ARL15: variants seen among roughly 807,000 people sequenced by gnomAD.
ARL15 encodes the protein ADP-ribosylation factor-like protein 15.
In ARL15, 19 loss-of-function variants were observed where a neutral mutation model predicts 25.2. The ratio of observed to expected loss-of-function variants is 0.75; its 90% CI spans 0.53 to 1.10. The LOEUF is 1.10. ARL15 is among the 50% of genes least tolerant of loss of function. The pLI is 0.00. For missense variants in ARL15, 220 were observed against 246.0 expected (o/e 0.89, Z 0.71); for synonymous variants, 94 against 86.8 (o/e 1.08, Z -0.46).
At chr5:54,266,808 T>C (rs1287026225) in intron 1 of ARL15, among the ~76,000 whole-genome samples, 4 of 152,214 alleles carry the variant, frequency 2.6e-5, no homozygotes, top group African/African-American at 4.8e-5. Context: ...GAAAACCATG[T>C]GAGATACTAA....
intron 3 of ARL15, among the ~76,000 whole-genome samples, chr5:54,122,847 C>T (rs1753125425): frequency 6.6e-6 from 1 of 152,194 alleles, no homozygotes; most frequent in South Asian, 2.1e-4. Context: ...ATTCTAATTT[C>T]ACTGGTTACC....
At chr5:54,272,756 G>A (rs1407371421) in intron 1 of ARL15, among the ~76,000 whole-genome samples, 2 of 152,108 alleles carry the variant, frequency 1.3e-5, no homozygotes, top group Non-Finnish European at 2.9e-5. Flanking sequence ...AACATCTACA[G>A]TCAGAAGGTA....
intron 3 of ARL15, among the ~76,000 whole-genome samples, chr5:54,123,420 TCTTATCTGAAATA>T (rs1753151826): frequency 6.6e-6 from 1 of 152,178 alleles, no homozygotes; most frequent in Non-Finnish European, 1.5e-5. Flanking sequence ...CTTTTATATT[TCTTATCTGAAATA>T]CTGTTTCTTC....
In ARL15 at chr5:53,979,829, T is replaced by TTGTG. The variant is rs70986653; in HGVS notation, c.463-93120_463-93117dup. Among the ~76,000 whole-genome samples, 154 of 143,166 alleles carry TTGTG rather than the reference T, an allele frequency of 1.1e-3. 1 individual carries two copies. In the South Asian group the frequency reaches 0.016, roughly 14 times the overall value. 93.9% of individuals were successfully genotyped at this position (143,166 alleles called of 152,430 possible). A position where few individuals can be genotyped will look rare whatever the true frequency, so the allele number is the denominator to read the frequency against. ...CACAGTTGAAAGTCTTTAAAGTCTTTTGTGTGTGTGTGTGTGTGTGTGTGT... is the reference window on the plus strand; with the variant it reads ...CACAGTTGAAAGTCTTTAAAGTCTTTTGTGTGTGTGTGTGTGTGTGTGTGTGTGT... On this transcript the variant is annotated intron_variant, in intron 4 of 4. Transcript: ENST00000504924.
intron 1 of ARL15, among the ~76,000 whole-genome samples, chr5:54,297,032 C>T (rs1561299552): frequency 6.6e-6 from 1 of 152,168 alleles, no homozygotes; most frequent in Non-Finnish European, 1.5e-5. Flanking sequence ...TAGCATTTCC[C>T]TGGTTTAGGT....
chr5:53,973,460 C>A (rs1747816892), intron 4 of ARL15, among the ~76,000 whole-genome samples: 1 of 151,628 alleles, frequency 6.6e-6, no homozygotes, highest in Non-Finnish European at 1.5e-5. Context: ...TGTAATTCCA[C>A]CTACTCGGAA....
At chr5:54,057,136 C>A (rs1034780756) in intron 4 of ARL15, among the ~76,000 whole-genome samples, 1 of 151,720 alleles carries the variant, frequency 6.6e-6, no homozygotes, top group African/African-American at 2.4e-5. Flanking sequence ...AGTCAGCCTG[C>A]AATAGGAACA....
intron 1 of ARL15, among the ~76,000 whole-genome samples, chr5:54,232,119 T>C (rs550748506): frequency 6.6e-6 from 1 of 152,322 alleles, no homozygotes; most frequent in South Asian, 2.1e-4. Flanking sequence ...CCTCACTCTT[T>C]AAGTCTCAGC....
At chr5:54,098,937 T>G (rs1202945814) in intron 4 of ARL15, among the ~76,000 whole-genome samples, 1 of 152,178 alleles carries the variant, frequency 6.6e-6, no homozygotes. Context: ...TATTTAAATC[T>G]GAGAGTAAGA....
At chr5:54,159,871 T>G (rs1373963951) in intron 2 of ARL15, among the ~76,000 whole-genome samples, 1 of 152,260 alleles carries the variant, frequency 6.6e-6, no homozygotes, top group Non-Finnish European at 1.5e-5. Context: ...AAGTTTTTCA[T>G]GCACTGAAAG....
chr5:54,163,982 T>C (rs1377675450), intron 2 of ARL15, among the ~76,000 whole-genome samples: 2 of 152,062 alleles, frequency 1.3e-5, no homozygotes, highest in African/African-American at 2.4e-5. Flanking sequence ...GCTGAGGTCA[T>C]TGATTTGAGG....
chr5:54,152,126 G>A (rs1161971665), intron 3 of ARL15, among the ~76,000 whole-genome samples: 2 of 152,054 alleles, frequency 1.3e-5, no homozygotes, highest in African/African-American at 4.8e-5. Context: ...CCTGTCTTCT[G>A]AGCAACCCTC....
At chr5:54,121,579 T>C (rs1337338306) in intron 3 of ARL15, among the ~76,000 whole-genome samples, 1 of 152,222 alleles carries the variant, frequency 6.6e-6, no homozygotes, top group Admixed American at 6.5e-5. Flanking sequence ...GGATCAAGTA[T>C]GTTCTAAAAC....
chr5:54,175,501 A>G (rs1441069672), intron 1 of ARL15, among the ~76,000 whole-genome samples: 2 of 151,642 alleles, frequency 1.3e-5, no homozygotes, highest in Non-Finnish European at 2.9e-5. Context: ...CACCCAGCTA[A>G]TTTTTGTATT....
intron 4 of ARL15, among the ~76,000 whole-genome samples, chr5:53,898,873 C>T (rs1490896966): frequency 1.3e-5 from 2 of 151,898 alleles, no homozygotes; most frequent in African/African-American, 4.8e-5. Flanking sequence ...AGGCTGGTCT[C>T]GAACTCCTGG....
chr5:54,105,586 ATTTG>A (rs1252664740), intron 4 of ARL15, among the ~76,000 whole-genome samples: 2 of 152,024 alleles, frequency 1.3e-5, no homozygotes, highest in Admixed American at 6.6e-5. Flanking sequence ...ACATTTTTTT[ATTTG>A]TTTGTTTTTT....
At chr5:53,923,765 T>A (rs56245000) in intron 4 of ARL15, among the ~76,000 whole-genome samples, 1 of 152,116 alleles carries the variant, frequency 6.6e-6, no homozygotes, top group Non-Finnish European at 1.5e-5. Flanking sequence ...CTCGGGAGGC[T>A]GAGGCAGGAG....
chr5:54,270,178 T>C (rs1471382563), intron 1 of ARL15, among the ~76,000 whole-genome samples: 6 of 152,188 alleles, frequency 3.9e-5, no homozygotes, highest in Non-Finnish European at 8.8e-5. Flanking sequence ...ACAATTTGAG[T>C]ATATTTTGTT....
intron 4 of ARL15, among the ~76,000 whole-genome samples, chr5:54,087,061 G>A (rs1751981637): frequency 1.3e-5 from 2 of 152,128 alleles, no homozygotes; most frequent in African/African-American, 2.4e-5. Context: ...GAGTCACTGG[G>A]CGTGGTGGCT....
Sources: allele counts gnomAD v4.1 joint callset (sites outside exome capture counted in the v4.1 genomes callset), GRCh38; gene constraint gnomAD v4.1.1; transcripts MANE v1.5; gene names NCBI Gene and HGNC (gene_info 2026-07-23, HGNC 2026-07-21).